The following NCAM1 variants were observed in gnomAD, a reference collection of about 807,000 sequenced individuals.
NCAM1 encodes antigen recognized by monoclonal antibody 5.1H11.
In NCAM1, 14 loss-of-function variants were observed where a neutral mutation model predicts 109.8. The observed-to-expected ratio is 0.13, with a 90% CI of 0.08 to 0.20. NCAM1 has a LOEUF of 0.20. Ranked by LOEUF, NCAM1 falls within the 10% of genes least tolerant of loss-of-function variation. NCAM1 has a pLI of 1.00. For missense variants in NCAM1, 774 were observed against 1,109.9 expected (o/e 0.70, Z 4.30); for synonymous variants, 418 against 442.9 (o/e 0.94, Z 0.70).
intron 17 of NCAM1, chr11:113,269,903 C>T (rs1157325711): frequency 2.6e-5 from 13 of 497,208 alleles, no homozygotes; most frequent in South Asian, 1.3e-4. Context: ...CTCAGACAGG[C>T]GGGGCTCAGT....
Position 112,963,048 on chromosome 11 carries a change from G to C in NCAM1, c.52+1384G>C, listed in dbSNP as rs941864090. Among the ~76,000 whole-genome samples, 1 of 152,104 alleles carries C rather than the reference G, an allele frequency of 6.6e-6. No individual in the cohort carries two copies. ...CGCGGGCGGCACAAGAGCAGCGCTCGGCCGCCGCCTCCAGCCAACTCGGGT... is the reference window on the plus strand; with the variant it reads ...CGCGGGCGGCACAAGAGCAGCGCTCCGCCGCCGCCTCCAGCCAACTCGGGT... On this transcript the variant is annotated intron_variant, in intron 1 of 19. Coordinates refer to ENST00000316851, the MANE Select transcript of NCAM1 (RefSeq NM_181351.5). The surrounding 1 kb of genome is among the most constrained non-coding windows in gnomAD (Gnocchi z 4.6).
intron 9 of NCAM1, among the ~76,000 whole-genome samples, chr11:113,224,944 A>C (rs962308346): frequency 3.9e-4 from 59 of 152,252 alleles, no homozygotes; most frequent in African/African-American, 1.4e-3. Flanking sequence ...TGTCACCATC[A>C]TCAAAGACCA....
intron 1 of NCAM1, among the ~76,000 whole-genome samples, chr11:112,988,647 G>A (rs1307111831): frequency 6.6e-6 from 1 of 151,962 alleles, no homozygotes; most frequent in Admixed American, 6.6e-5. Context: ...AATGTTTATG[G>A]TGAGAAGTCC....
intron 1 of NCAM1, among the ~76,000 whole-genome samples, chr11:113,101,466 G>A (rs1047843433): frequency 6.6e-6 from 1 of 152,026 alleles, no homozygotes; most frequent in African/African-American, 2.4e-5. Flanking sequence ...TCTATGATCT[G>A]TTCTAAATTA....
At chr11:112,964,825 T>C (rs1444408402) in intron 1 of NCAM1, among the ~76,000 whole-genome samples, 1 of 152,248 alleles carries the variant, frequency 6.6e-6, no homozygotes, top group Non-Finnish European at 1.5e-5. Flanking sequence ...TAATAACTGA[T>C]AATTTGTTTT....
intron 14 of NCAM1, chr11:113,246,131 C>T: frequency 1.1e-5 from 6 of 524,824 alleles, no homozygotes; most frequent in South Asian, 3.2e-5. Flanking sequence ...GTTTCACTGC[C>T]CTCCCAATGT....
chr11:113,122,153 G>T (rs1171712999), intron 1 of NCAM1, among the ~76,000 whole-genome samples: 6 of 152,170 alleles, frequency 3.9e-5, no homozygotes, highest in African/African-American at 1.4e-4. Flanking sequence ...ATCCCCTCCT[G>T]TTCAATCTCT....
intron 1 of NCAM1, among the ~76,000 whole-genome samples, chr11:113,114,055 G>T (rs1012763751): frequency 2.6e-5 from 4 of 152,208 alleles, no homozygotes; most frequent in African/African-American, 9.7e-5. Context: ...TTAGGCTTAA[G>T]TTTGCCTGGA....
chr11:113,038,343 G>A (rs1297295716), intron 1 of NCAM1, among the ~76,000 whole-genome samples: 3 of 152,074 alleles, frequency 2.0e-5, no homozygotes, highest in Non-Finnish European at 2.9e-5. Context: ...TTCCTCTCAT[G>A]CCATCCTTTC....
chr11:113,074,206 C>T (rs1045817882), intron 1 of NCAM1, among the ~76,000 whole-genome samples: 2 of 152,090 alleles, frequency 1.3e-5, no homozygotes, highest in Non-Finnish European at 2.9e-5. Context: ...GAGGGCATGT[C>T]GTGGAGCAAT....
Position 113,184,295 on chromosome 11 carries a change from G to T in NCAM1, c.53-18084G>T, listed in dbSNP as rs191063074. ...TTTTCTCTTGTTGGGTTCAGCAGGG[G>T]ATTGAGAGTCCTAGTTAATGCACCT... On this transcript the variant is annotated intron_variant, in intron 1 of 19. Transcript: ENST00000316851. Among the ~76,000 whole-genome samples, 27 of 152,322 alleles carry T rather than the reference G, an allele frequency of 1.8e-4. No individual in the cohort carries two copies. The South Asian group carries it at 3.5e-3, about 20-fold the overall frequency.
In NCAM1 at chr11:113,140,903, T is replaced by C. The variant is rs1344458147; in HGVS notation, c.53-61476T>C. 1.7e-4 allele frequency among the ~76,000 whole-genome samples: 26 copies of C among 152,132 alleles called. 1 individual carries two copies. The stretch of plus-strand genomic sequence containing the variant: ...TTCACATCATCCTGAGGATTTCATT[T>C]TTTTTGTTTTTTTCTGATCAGATGT... On this transcript the variant is annotated intron_variant, in intron 1 of 19. Transcript: ENST00000316851.
At chr11:113,085,852 A>G (rs1412338381) in intron 1 of NCAM1, among the ~76,000 whole-genome samples, 6 of 152,056 alleles carry the variant, frequency 3.9e-5, no homozygotes, top group African/African-American at 1.5e-4. Context: ...TCTGGGATAG[A>G]TTTATTTCAC....
At chr11:113,089,379 T>G (rs1939236808) in intron 1 of NCAM1, among the ~76,000 whole-genome samples, 1 of 34,794 alleles carries the variant, frequency 2.9e-5, no homozygotes, top group Non-Finnish European at 7.8e-5. Context: ...TGGGTTTAGT[T>G]TTTTTTTTTA....
chr11:113,057,913 A>C (rs782506937), intron 1 of NCAM1, among the ~76,000 whole-genome samples: 18 of 152,150 alleles, frequency 1.2e-4, no homozygotes, highest in Non-Finnish European at 2.4e-4. Flanking sequence ...TACAGAAGCT[A>C]TGGAAGGATA....
chr11:113,009,863 C>A (rs921236130), intron 1 of NCAM1, among the ~76,000 whole-genome samples: 7 of 151,952 alleles, frequency 4.6e-5, no homozygotes, highest in Non-Finnish European at 1.0e-4. Flanking sequence ...GAAAAGGGGG[C>A]CTACTGGAAG....
At chr11:113,023,359 C>T (rs551230890) in intron 1 of NCAM1, among the ~76,000 whole-genome samples, 5 of 152,288 alleles carry the variant, frequency 3.3e-5, no homozygotes, top group South Asian at 4.2e-4. Context: ...AACAGAGAAA[C>T]GGAAATGATT....
intron 1 of NCAM1, among the ~76,000 whole-genome samples, chr11:113,148,160 C>A (rs909869826): frequency 2.0e-5 from 3 of 152,144 alleles, no homozygotes; most frequent in Admixed American, 1.3e-4. Flanking sequence ...GACCTAGGGA[C>A]GACAGAGCCC....
intron 14 of NCAM1, among the ~76,000 whole-genome samples, chr11:113,242,257 CATGAAAGTCAT>C (rs1945350698): frequency 6.6e-6 from 1 of 152,202 alleles, no homozygotes; most frequent in African/African-American, 2.4e-5. Flanking sequence ...TCTCTTGCTG[CATGAAAGTCAT>C]TTGTCAGCAA....
Sources: allele counts gnomAD v4.1 joint callset (sites outside exome capture counted in the v4.1 genomes callset), GRCh38; gene constraint gnomAD v4.1.1; non-coding constraint Gnocchi (gnomAD v3.1); transcripts MANE v1.5; gene names NCBI Gene and HGNC (gene_info 2026-07-23, HGNC 2026-07-21).